ZDHHC13: variants seen among roughly 807,000 people sequenced by gnomAD.
The protein encoded by ZDHHC13 is palmitoyltransferase ZDHHC13.
A neutral mutation model predicts 86.0 loss-of-function variants in ZDHHC13; 85 were observed. That is an observed-to-expected ratio of 0.99 (90% CI 0.83 to 1.18). The LOEUF is 1.18. Among genes scored for constraint, ZDHHC13 ranks in the 50% most tolerant of loss-of-function variants. The pLI, the probability that ZDHHC13 is intolerant of heterozygous loss-of-function variation, is 0.00. For synonymous variants in ZDHHC13, 263 were observed against 246.4 expected (o/e 1.07, Z -0.63); for missense variants, 711 against 730.2 (o/e 0.97, Z 0.30).
At chr11:19,149,125 C>G (rs1198804160) in intron 4 of ZDHHC13, 62 bp from the exon 5 acceptor site, 2 of 1,344,814 alleles carry the variant, frequency 1.5e-6, no homozygotes, top group Non-Finnish European at 1.9e-6. Context: ...GAATATCAGT[C>G]TCTCCCTGAC....
chr11:19,163,530 G>T, intron 11 of ZDHHC13, 103 bp downstream of exon 11: 1 of 1,206,278 alleles, frequency 8.3e-7, no homozygotes, highest in South Asian at 2.9e-5. Context: ...ACGGCTGCAT[G>T]ACATGTGGGG....
intron 10 of ZDHHC13, among the ~76,000 whole-genome samples, chr11:19,159,454 G>A (rs1372878009): frequency 6.6e-6 from 1 of 151,988 alleles, no homozygotes; most frequent in Non-Finnish European, 1.5e-5. Flanking sequence ...CCTCAGTAAC[G>A]GTAAGTGTTA....
intron 1 of ZDHHC13, among the ~76,000 whole-genome samples, chr11:19,142,518 A>G (rs188339260): frequency 1.2e-4 from 19 of 152,276 alleles, no homozygotes; most frequent in Non-Finnish European, 7.4e-5. Flanking sequence ...TTCTTAGGGT[A>G]TGTCCACCAC....
chr11:19,141,372 C>T (rs1298350649), intron 1 of ZDHHC13, among the ~76,000 whole-genome samples: 2 of 152,130 alleles, frequency 1.3e-5, no homozygotes, highest in Non-Finnish European at 2.9e-5. Context: ...AAACTTTGAT[C>T]ATCCCACATC....
At chr11:19,119,444 C>T (rs1848715160) in intron 1 of ZDHHC13, among the ~76,000 whole-genome samples, 1 of 152,212 alleles carries the variant, frequency 6.6e-6, no homozygotes, top group South Asian at 2.1e-4. Context: ...CGGTCATCCC[C>T]AGCCACACCA....
intron 1 of ZDHHC13, among the ~76,000 whole-genome samples, chr11:19,142,442 A>G (rs1040734938): frequency 9.9e-5 from 15 of 152,144 alleles, no homozygotes; most frequent in Non-Finnish European, 1.8e-4. Context: ...ACAAGTCACA[A>G]GTTCTGCCTG....
In ZDHHC13 at chr11:19,139,674, G is replaced by A. The variant is rs1480408486; in HGVS notation, c.28-3304G>A. On this transcript the variant is annotated intron_variant, in intron 1 of 16. Transcript: ENST00000446113. ...GCCTGACTTCAAACAATACTACAAG[G>A]CTACAGTAACCAAAACAGCATGGTA... 2.0e-5 allele frequency among the ~76,000 whole-genome samples: 3 copies of A among 151,356 alleles called. No individual in the cohort carries two copies. The South Asian group carries it at 6.3e-4, about 32-fold the overall frequency.
Position 19,172,750 on chromosome 11 carries a change from G to A in ZDHHC13, c.1660G>A (p.Glu554Lys). The change falls in exon 16 of 17, where the codon GAG becomes AAG. Residue 554 changes from glutamate (E) to lysine (K), a missense_variant. By Grantham distance (56) the Glu-to-Lys change is moderately conservative (BLOSUM62 1). Transcript: ENST00000446113. ...TGCCTTTCTGGGCCTGACCTCCCAT[G>A]AGAGAATCAGCCTGCAGAAGCAGAG... ...QIAFLGLTSHERISLQKQSKH... is the reference protein window; with the variant it reads ...QIAFLGLTSHKRISLQKQSKH... 2 of 1,604,760 alleles carry A rather than the reference G, an allele frequency of 1.2e-6. No individual in the cohort carries two copies. The highest frequency in any genetic ancestry group is 1.7e-6 in the Non-Finnish European group (2 of 1,175,570).
chr11:19,158,958 G>C lies in ZDHHC13; in HGVS notation c.1026G>C (p.Lys342Asn). The stretch of plus-strand genomic sequence containing the variant: ...CTTTTAGGTTCTTGGTTGGGTATAA[G>C]AACCTTGTATACTTACCAACAGCCT... ...SLFPRFLVGY[K>N]NLVYLPTAFL... The change falls in exon 10 of 17, where the codon AAG becomes AAC. Residue 342 changes from lysine (K) to asparagine (N), a missense_variant. Transcript: ENST00000446113. The C allele has an allele frequency of 6.5e-7, 1 of 1,541,558 alleles. No individual in the cohort carries two copies.
rs143865258 is a variant in ZDHHC13 at position 19,161,583 on chromosome 11, G to A, written c.1109-1720G>A. On this transcript the variant is annotated intron_variant, in intron 10 of 16. Coordinates refer to ENST00000446113, the MANE Select transcript of ZDHHC13 (RefSeq NM_019028.3). ...AAGTTCAGCAAGTAATGTCTGGCTTGTGCGAGGGGGGATTGAATACAATAA... is the reference window on the plus strand; with the variant it reads ...AAGTTCAGCAAGTAATGTCTGGCTTATGCGAGGGGGGATTGAATACAATAA... Among the ~76,000 whole-genome samples the A allele has an allele frequency of 1.1e-3, 169 of 151,914 alleles. 6 individuals carry two copies. The highest frequency in any genetic ancestry group is 4.1e-3 in the African/African-American group (169 of 41,288).
chr11:19,134,821 C>T (rs1271900277), intron 1 of ZDHHC13, among the ~76,000 whole-genome samples: 3 of 151,858 alleles, frequency 2.0e-5, no homozygotes, highest in Non-Finnish European at 4.4e-5. Context: ...CAAACCTGCA[C>T]GTTCTGCACA....
chr11:19,151,368 A>G (rs1053901937), intron 6 of ZDHHC13, among the ~76,000 whole-genome samples: 11 of 152,010 alleles, frequency 7.2e-5, no homozygotes, highest in Non-Finnish European at 1.6e-4. Context: ...TACTTACGAC[A>G]GTTCTCACTT....
In ZDHHC13 at chr11:19,165,097, T is replaced by C; in HGVS notation, c.1342T>C (p.Cys448Arg). ...ACTCCACTGCCATGTATGCAACTGC[T>C]GTGTGGCTCGATATGATCAACACTG... ...RSLHCHVCNC[C>R]VARYDQHCLW... Residue 448 changes from cysteine (C) to arginine (R), a missense_variant, in exon 13 of 17, where the codon TGT becomes CGT. Coordinates refer to ENST00000446113, the MANE Select transcript of ZDHHC13 (RefSeq NM_019028.3). The C allele has an allele frequency of 6.2e-7, 1 of 1,613,144 alleles. No homozygotes were observed. Among genetic ancestry groups the C allele is most frequent in the Non-Finnish European group, 8.5e-7 (1 of 1,179,494 alleles).
At chr11:19,120,828 G>A (rs10833064) in intron 1 of ZDHHC13, among the ~76,000 whole-genome samples, 96,167 of 151,864 alleles carry the variant, frequency 0.63, 31,731 homozygotes, top group Admixed American at 0.75. Flanking sequence ...ATCTTGAGGT[G>A]GTTGTAGACT....
chr11:19,139,682 A>C (rs1849252735), intron 1 of ZDHHC13, among the ~76,000 whole-genome samples: 2 of 151,486 alleles, frequency 1.3e-5, no homozygotes, highest in Non-Finnish European at 2.9e-5. Flanking sequence ...AGGCTACAGT[A>C]ACCAAAACAG....
At chr11:19,174,568 G>A (rs538317866) in intron 16 of ZDHHC13, among the ~76,000 whole-genome samples, 40 of 152,354 alleles carry the variant, frequency 2.6e-4, no homozygotes, top group African/African-American at 9.4e-4. Context: ...GTTTTGTTGT[G>A]TGTAAGGGAT....
intron 16 of ZDHHC13, among the ~76,000 whole-genome samples, chr11:19,174,219 C>T (rs1035887529): frequency 1.3e-5 from 2 of 152,192 alleles, no homozygotes; most frequent in African/African-American, 4.8e-5. Context: ...AGCTGGATGG[C>T]GTGAGATTTC....
intron 1 of ZDHHC13, among the ~76,000 whole-genome samples, chr11:19,139,403 T>G (rs981386536): frequency 7.3e-5 from 11 of 149,918 alleles, no homozygotes; most frequent in East Asian, 2.0e-4. Context: ...CACTGCTCAA[T>G]GAAATAAAAG....
At position 19,117,390 on chromosome 11, in the gene ZDHHC13, G is replaced by A. The variant is rs1590054523; in HGVS notation, c.27+114G>A. The stretch of plus-strand genomic sequence containing the variant: ...GATGAGGGGGTTTCGGGAGCGGCGG[G>A]GCCTAGGTCTGGGAAGCGGGAGCCT... On this transcript the variant is annotated intron_variant, in intron 1 of 16. Coordinates refer to ENST00000446113, the MANE Select transcript of ZDHHC13 (RefSeq NM_019028.3). The surrounding 1 kb of genome is among the most constrained non-coding windows in gnomAD (Gnocchi z 4.2). The A allele has an allele frequency of 1.8e-6, 2 of 1,139,380 alleles. No individual in the cohort carries two copies. The highest frequency in any genetic ancestry group is 3.1e-5 in the East Asian group (1 of 32,408). The allele number at this position is 1,139,380 out of a possible 1,614,324, so 70.6% of individuals were successfully genotyped here. A position where few individuals can be genotyped will look rare whatever the true frequency, so the allele number is the denominator to read the frequency against.
Sources: gnomAD v4.1 joint callset for allele counts (sites outside exome capture counted in the v4.1 genomes callset) on GRCh38, gnomAD v4.1.1 for gene constraint, Gnocchi (gnomAD v3.1) non-coding constraint, MANE v1.5 for transcripts, NCBI Gene and HGNC (gene_info 2026-07-23, HGNC 2026-07-21) for gene names.